Variants in ROBO1 observed in about 807,000 individuals in gnomAD.
The protein encoded by ROBO1 is roundabout homolog 1.
ROBO1 carries 149 observed loss-of-function variants against 195.9 expected under a neutral mutation model. That is an observed-to-expected ratio of 0.76 (90% confidence interval 0.67 to 0.87). ROBO1 has a LOEUF of 0.87. Among genes scored for constraint, ROBO1 ranks in the 40% least tolerant of loss-of-function variants. ROBO1 has a pLI of 0.00. For missense variants in ROBO1, 1,933 were observed against 2,068.3 expected (o/e 0.93, Z 1.27); for synonymous variants, 816 against 733.2 (o/e 1.11, Z -1.82).
At position 78,617,757 on chromosome 3, in the gene ROBO1, C is replaced by A. The variant is rs778810093; in HGVS notation, c.4160G>T (p.Arg1387Leu). Residue 1387 changes from arginine to leucine, a missense_variant, in exon 27 of 31, where the codon CGC (arginine) becomes CTC (leucine). This residue lies in a region of ROBO1 where 1,737 missense variants were observed against 1,882.5 expected (regional missense o/e 0.92). Transcript: ENST00000464233. ...GCCGTCCGAAGAACTAACACTGGAG[C>A]GTCCGCTGGAAATGTTGTCCTCCTC... The part of the protein sequence containing the change: ...ASEEDNISSG[R>L]SSVSSSDGSF... The A allele has an allele frequency of 6.2e-7, 1 of 1,613,926 alleles. No individual in the cohort carries two copies. The highest frequency in any genetic ancestry group is 2.2e-5 in the East Asian group (1 of 44,832).
chr3:79,414,460 A>C (rs2037915082), intron 2 of ROBO1, among the ~76,000 whole-genome samples: 1 of 152,278 alleles, frequency 6.6e-6, no homozygotes, highest in Admixed American at 6.5e-5. Context: ...ACTCTCTAAA[A>C]CAACCAGGTT....
intron 1 of ROBO1, among the ~76,000 whole-genome samples, chr3:79,651,416 C>CT (rs1472594452): frequency 2.0e-5 from 3 of 151,982 alleles, no homozygotes; most frequent in Admixed American, 6.6e-5. Context: ...AGGAATACTG[C>CT]TTTTTTTAAA....
chr3:78,966,040 C>T (rs1480444445), intron 3 of ROBO1, among the ~76,000 whole-genome samples: 1 of 152,198 alleles, frequency 6.6e-6, no homozygotes, highest in Non-Finnish European at 1.5e-5. Context: ...CCCTGAGCTC[C>T]ATCTCCTGTC....
intron 1 of ROBO1, among the ~76,000 whole-genome samples, chr3:79,608,026 T>C (rs1944543732): frequency 5.3e-5 from 8 of 152,022 alleles, no homozygotes; most frequent in Admixed American, 4.6e-4. Context: ...ATTAGTACGA[T>C]TTCATCAAAT....
intron 2 of ROBO1, among the ~76,000 whole-genome samples, chr3:79,407,085 A>AT (rs1470351107): frequency 3.3e-5 from 5 of 151,756 alleles, no homozygotes; most frequent in South Asian, 4.2e-4. Context: ...TGCCTTGCTA[A>AT]TTTTTTGTGT....
intron 2 of ROBO1, among the ~76,000 whole-genome samples, chr3:79,135,182 A>G (rs1318163572): frequency 6.6e-6 from 1 of 152,058 alleles, no homozygotes; most frequent in African/African-American, 2.4e-5. Flanking sequence ...TTTGGCCAGC[A>G]TCTCCCCAAA....
At chr3:79,342,557 A>G (rs1357879828) in intron 2 of ROBO1, among the ~76,000 whole-genome samples, 1 of 152,184 alleles carries the variant, frequency 6.6e-6, no homozygotes, top group Non-Finnish European at 1.5e-5. Context: ...GGGAATGAGC[A>G]TTTTAAAAAG....
intron 3 of ROBO1, among the ~76,000 whole-genome samples, chr3:79,086,260 T>C (rs1007262347): frequency 1.3e-5 from 2 of 151,834 alleles, no homozygotes; most frequent in Non-Finnish European, 2.9e-5. Flanking sequence ...GAGGTGACCA[T>C]ACCACAGTTC....
At chr3:78,999,492 T>G (rs2077447649) in intron 3 of ROBO1, among the ~76,000 whole-genome samples, 2 of 152,000 alleles carry the variant, frequency 1.3e-5, no homozygotes, top group African/African-American at 4.8e-5. Context: ...AGCTAAAATT[T>G]GGGTACTCAT....
chr3:79,240,994 T>C (rs557378231), intron 2 of ROBO1, among the ~76,000 whole-genome samples: 1 of 152,282 alleles, frequency 6.6e-6, no homozygotes, highest in East Asian at 1.9e-4. Context: ...AATGCAAATA[T>C]ATTAGAATTA....
At chr3:78,922,735 G>A (rs1023383119) in intron 4 of ROBO1, among the ~76,000 whole-genome samples, 12 of 150,946 alleles carry the variant, frequency 7.9e-5, no homozygotes, top group East Asian at 2.0e-4. Context: ...TCAGCTTCCC[G>A]AGTAGCTGGA....
rs1323383907 is a variant in ROBO1, at chr3:78,720,951, G to GC, written c.658-3069_658-3068insG. 1.1e-3 allele frequency among the ~76,000 whole-genome samples: 160 copies of GC among 140,076 alleles called. 1 individual carries two copies. Among genetic ancestry groups the GC allele is most frequent in the African/African-American group, 3.5e-3 (121 of 34,094 alleles). 91.9% of individuals were successfully genotyped at this position (140,076 alleles called of 152,430 possible). A position where few individuals can be genotyped will look rare whatever the true frequency, so the allele number is the denominator to read the frequency against. On this transcript the variant is annotated intron_variant, in intron 5 of 30. Coordinates refer to ENST00000464233, the MANE Select transcript of ROBO1 (RefSeq NM_002941.4). Reference sequence around the variant, plus strand: ...ACACACTGGGACCTGTTGTGGGGTTGGGGGGGGGGCGGTGGAGGCATAGCA... The same window carrying GC: ...ACACACTGGGACCTGTTGTGGGGTTGCGGGGGGGGGCGGTGGAGGCATAGCA...
At chr3:78,699,656 C>T (rs1277428700) in intron 8 of ROBO1, among the ~76,000 whole-genome samples, 1 of 151,722 alleles carries the variant, frequency 6.6e-6, no homozygotes, top group East Asian at 1.9e-4. Context: ...TAAAATCCTT[C>T]AACATGGTCC....
chr3:79,340,793 T>G (rs929636293), intron 2 of ROBO1, among the ~76,000 whole-genome samples: 1 of 152,120 alleles, frequency 6.6e-6, no homozygotes, highest in Non-Finnish European at 1.5e-5. Context: ...AAAATAGAAA[T>G]GTACACAAGA....
intron 4 of ROBO1, among the ~76,000 whole-genome samples, chr3:78,804,461 G>C (rs1319682513): frequency 1.3e-5 from 2 of 152,074 alleles, no homozygotes; most frequent in Non-Finnish European, 2.9e-5. Flanking sequence ...CACAACAGTT[G>C]CTTTTGGCCA....
chr3:78,674,113 T>C (rs141915480), intron 10 of ROBO1, among the ~76,000 whole-genome samples: 2 of 152,188 alleles, frequency 1.3e-5, no homozygotes, highest in East Asian at 1.9e-4. Context: ...TTATACATTA[T>C]GTAGTAATCA....
intron 4 of ROBO1, among the ~76,000 whole-genome samples, chr3:78,854,586 T>G (rs1475934587): frequency 6.6e-6 from 1 of 151,894 alleles, no homozygotes; most frequent in Non-Finnish European, 1.5e-5. Flanking sequence ...TCTTCTTTAT[T>G]CATGTCTCTA....
intron 4 of ROBO1, among the ~76,000 whole-genome samples, chr3:78,877,655 T>C (rs1176031852): frequency 6.6e-6 from 1 of 152,194 alleles, no homozygotes; most frequent in Non-Finnish European, 1.5e-5. Context: ...TTAATTTTAG[T>C]ATCTCTCAGA....
chr3:79,448,194 G>A (rs1238045913), intron 2 of ROBO1, among the ~76,000 whole-genome samples: 1 of 152,262 alleles, frequency 6.6e-6, no homozygotes, highest in East Asian at 1.9e-4. Flanking sequence ...AAAGTGGCAG[G>A]ACCAGCATTT....
Sources: allele counts gnomAD v4.1 joint callset (sites outside exome capture counted in the v4.1 genomes callset), GRCh38; gene constraint gnomAD v4.1.1; regional missense constraint gnomAD v4.1.1; transcripts MANE v1.5; gene names NCBI Gene and HGNC (gene_info 2026-07-23, HGNC 2026-07-21).